The following MAP3K13 variants were observed in gnomAD, a reference collection of about 807,000 sequenced individuals.
The protein encoded by MAP3K13 is mitogen-activated protein kinase kinase kinase 13.
In MAP3K13, 52 loss-of-function variants were observed where a neutral mutation model predicts 104.0. The observed-to-expected ratio is 0.50, with a 90% CI of 0.40 to 0.63. MAP3K13 has a LOEUF of 0.63. Ranked by LOEUF, MAP3K13 falls within the 20% of genes least tolerant of loss-of-function variation. MAP3K13 has a pLI of 0.00. For missense variants in MAP3K13, 914 were observed against 1,218.5 expected (o/e 0.75, Z 3.72); for synonymous variants, 394 against 442.2 (o/e 0.89, Z 1.37).
intron 7 of MAP3K13, among the ~76,000 whole-genome samples, chr3:185,457,894 C>A (rs937918538): frequency 3.3e-5 from 5 of 152,152 alleles, no homozygotes; most frequent in Admixed American, 1.3e-4. Flanking sequence ...TAAACTCCAT[C>A]CTGTCACTTC....
At chr3:185,300,019 TCTA>T (rs1446376526) in intron 2 of MAP3K13, among the ~76,000 whole-genome samples, 1 of 152,208 alleles carries the variant, frequency 6.6e-6, no homozygotes, top group Non-Finnish European at 1.5e-5. Context: ...TCTTCCCCAT[TCTA>T]CTAGTAGCAC....
In MAP3K13 at chr3:185,379,606, T is replaced by C. The variant is rs13353448; in HGVS notation, c.-86+16238T>C. ...ACCCGGGTCTTTGGCACCAAGTGTC[T>C]CACGTGTCTGTGTGAAGAGACCACT... On this transcript the variant is annotated intron_variant, in intron 1 of 13. Coordinates refer to ENST00000265026, the MANE Select transcript of MAP3K13 (RefSeq NM_004721.5). Among the ~76,000 whole-genome samples the C allele has an allele frequency of 6.0e-3, 920 of 152,258 alleles. 7 individuals are homozygous for C. Among genetic ancestry groups the C allele is most frequent in the African/African-American group, 0.02 (831 of 41,554 alleles).
chr3:185,395,329 A>G (rs1368425978), intron 1 of MAP3K13, among the ~76,000 whole-genome samples: 1 of 148,866 alleles, frequency 6.7e-6, no homozygotes, highest in Admixed American at 6.7e-5. Flanking sequence ...TCTCAGATGC[A>G]ACAGGCATTT....
rs778112667 is a variant in MAP3K13 at position 185,433,792 on chromosome 3, C to T, written c.476-3655C>T. Reference sequence around the variant, plus strand: ...TAATTTTATTTTTTATTGCAATACTCGGAATACTTTGTATTTGAGTGCCAA... The same window carrying T: ...TAATTTTATTTTTTATTGCAATACTTGGAATACTTTGTATTTGAGTGCCAA... On this transcript the variant is annotated intron_variant, in intron 2 of 13. Transcript: ENST00000265026. Among the ~76,000 whole-genome samples, 6 of 152,146 alleles carry T rather than the reference C, an allele frequency of 3.9e-5. No homozygotes were observed. The South Asian group carries it at 1.0e-3, about 26-fold the overall frequency.
chr3:185,308,348 A>C lies in MAP3K13; in HGVS notation c.-86+22705A>C, dbSNP rs78329592. Among the ~76,000 whole-genome samples the C allele has an allele frequency of 9.7e-3, 1,476 of 152,148 alleles. 32 individuals are homozygous for C. Among genetic ancestry groups the C allele is most frequent in the African/African-American group, 0.034 (1,397 of 41,492 alleles). ...ACTGCTGGTTTTCTGGTGTTCCTACAAGCTGCCTAGGTCTCTTTTGTTCTC... is the reference window on the plus strand; with the variant it reads ...ACTGCTGGTTTTCTGGTGTTCCTACCAGCTGCCTAGGTCTCTTTTGTTCTC... On this transcript the variant is annotated intron_variant, in intron 2 of 14. Transcript: ENST00000424227.
intron 7 of MAP3K13, among the ~76,000 whole-genome samples, chr3:185,451,866 TC>T (rs1269856839): frequency 1.2e-5 from 1 of 85,720 alleles, no homozygotes; most frequent in Non-Finnish European, 2.3e-5. Flanking sequence ...AAACACCGCC[TC>T]AAAAAAAAAA....
chr3:185,419,664 A>G (rs940071977), intron 1 of MAP3K13, among the ~76,000 whole-genome samples: 1 of 152,156 alleles, frequency 6.6e-6, no homozygotes, highest in Non-Finnish European at 1.5e-5. Context: ...TTATTTTTAA[A>G]ACATTTAAAG....
At chr3:185,287,170 T>G (rs766323587) in intron 2 of MAP3K13, among the ~76,000 whole-genome samples, 2 of 152,216 alleles carry the variant, frequency 1.3e-5, no homozygotes, top group Non-Finnish European at 2.9e-5. Flanking sequence ...ATATTGCATG[T>G]TGCTGACCTG....
At chr3:185,442,777 C>T (rs1339125376) in intron 3 of MAP3K13, among the ~76,000 whole-genome samples, 1 of 152,028 alleles carries the variant, frequency 6.6e-6, no homozygotes, top group Non-Finnish European at 1.5e-5. Context: ...TGGTGATCCA[C>T]CTGCCTCAGA....
chr3:185,444,346 TAATAAAAATAAATA>T (rs1715483115), intron 4 of MAP3K13, among the ~76,000 whole-genome samples: 2 of 145,514 alleles, frequency 1.4e-5, no homozygotes, highest in African/African-American at 5.0e-5. Flanking sequence ...AAAAAAAAAA[TAATAAAAATAAATA>T]AATAATAAAA....
chr3:185,303,583 CTA>C (rs1285947019), intron 2 of MAP3K13, among the ~76,000 whole-genome samples: 5 of 150,738 alleles, frequency 3.3e-5, no homozygotes, highest in Non-Finnish European at 5.9e-5. Flanking sequence ...ATCATTTTTT[CTA>C]TGTTATCCAA....
At chr3:185,449,294 A>G (rs1274416972) in intron 5 of MAP3K13, among the ~76,000 whole-genome samples, 1 of 149,604 alleles carries the variant, frequency 6.7e-6, no homozygotes, top group African/African-American at 2.5e-5. Context: ...AATCGCTTGA[A>G]CCCAGGAGGT....
chr3:185,362,302 A>G (rs1723659739), upstream of MAP3K13, among the ~76,000 whole-genome samples: 1 of 152,240 alleles, frequency 6.6e-6, no homozygotes, highest in Non-Finnish European at 1.5e-5. Flanking sequence ...GTGTAAAAAT[A>G]AAGAAGAAAG....
In MAP3K13 at chr3:185,455,678, TGA is replaced by T. The variant is rs1409709126; in HGVS notation, c.1278+4286_1278+4287del. Among the ~76,000 whole-genome samples, 5 of 16,324 alleles carry T rather than the reference TGA, an allele frequency of 3.1e-4. 1 individual carries two copies. The highest frequency in any genetic ancestry group is 2.7e-4 in the African/African-American group (2 of 7,452). 10.7% of individuals were successfully genotyped at this position (16,324 alleles called of 152,430 possible). On this transcript the variant is annotated intron_variant, in intron 7 of 13. Coordinates refer to ENST00000265026, the MANE Select transcript of MAP3K13 (RefSeq NM_004721.5). ...ATATGATATATATATGATATATATATGAGATATATATATGATATATATATGAG... is the reference window on the plus strand; with the variant it reads ...ATATGATATATATATGATATATATATGATATATATATGATATATATATGAG...
intron 1 of MAP3K13, among the ~76,000 whole-genome samples, chr3:185,378,015 G>A (rs984588083): frequency 6.6e-6 from 1 of 152,196 alleles, no homozygotes; most frequent in Non-Finnish European, 1.5e-5. Flanking sequence ...GTGGGGGGAG[G>A]TTCTGGAGGA....
At chr3:185,376,680 A>G (rs143414058) in intron 1 of MAP3K13, among the ~76,000 whole-genome samples, 24 of 152,134 alleles carry the variant, frequency 1.6e-4, no homozygotes, top group African/African-American at 5.8e-4. Context: ...ATAATGGTTT[A>G]GTCAGGATGG....
chr3:185,368,329 C>T (rs1723988865), intron 1 of MAP3K13, among the ~76,000 whole-genome samples: 1 of 152,170 alleles, frequency 6.6e-6, no homozygotes, highest in East Asian at 1.9e-4. Context: ...TAGTTCTGTT[C>T]TCTTTCTTCT....
At chr3:185,309,608 T>A (rs1404990742) in intron 2 of MAP3K13, among the ~76,000 whole-genome samples, 1 of 151,938 alleles carries the variant, frequency 6.6e-6, no homozygotes, top group Non-Finnish European at 1.5e-5. Context: ...CATAATTACA[T>A]ACCCTGCCTA....
At chr3:185,412,338 T>C (rs1254771290) in intron 1 of MAP3K13, among the ~76,000 whole-genome samples, 3 of 152,212 alleles carry the variant, frequency 2.0e-5, no homozygotes, top group African/African-American at 4.8e-5. Flanking sequence ...GAATCAATAA[T>C]TAATATTTAT....
Sources: allele counts gnomAD v4.1 joint callset (sites outside exome capture counted in the v4.1 genomes callset), GRCh38; gene constraint gnomAD v4.1.1; transcripts MANE v1.5; gene names NCBI Gene and HGNC (gene_info 2026-07-23, HGNC 2026-07-21).